CKAP2: variants seen among roughly 807,000 people sequenced by gnomAD.
CKAP2 encodes the protein cytoskeleton-associated protein 2.
In CKAP2, 46 loss-of-function variants were observed where a neutral mutation model predicts 58.4. That is an observed-to-expected ratio of 0.79 (90% CI 0.62 to 1.01). The LOEUF (loss-of-function observed/expected upper bound fraction) is 1.01. Among genes scored for constraint, CKAP2 ranks in the 50% least tolerant of loss-of-function variants. The probability of loss-of-function intolerance (pLI) is 0.00; values close to 1 mark genes in which losing one functional copy is unlikely to be tolerated. For missense variants in CKAP2, 809 were observed against 796.4 expected (o/e 1.02, Z -0.19); for synonymous variants, 293 against 280.9 (o/e 1.04, Z -0.43).
chr13:52,456,260 A>G, intron 1 of CKAP2: 2 of 920,306 alleles, frequency 2.2e-6, no homozygotes, highest in Middle Eastern at 4.1e-4. Flanking sequence ...CTGTATGTAG[A>G]AAATGATGTT....
chr13:52,465,388 G>A lies in CKAP2; in HGVS notation c.1399G>A (p.Ala467Thr), dbSNP rs1247295977. 2 of 1,613,204 alleles carry A rather than the reference G, an allele frequency of 1.2e-6. No individual in the cohort carries two copies. The highest frequency in any genetic ancestry group is 4.5e-5 in the East Asian group (2 of 44,772). The change falls in exon 6 of 9, where the codon GCA becomes ACA. Residue 467 changes from alanine (A) to threonine (T), a missense_variant. Physicochemically the swap from Ala to Thr is moderately conservative, Grantham distance 58. Coordinates refer to ENST00000258607, the MANE Select transcript of CKAP2 (RefSeq NM_018204.5). ...KKLVKYWICLALIEPITSPIE... is the reference protein window; with the variant it reads ...KKLVKYWICLTLIEPITSPIE... ...GCTTGTTAAGTATTGGATATGTCTT[G>A]CACTTATTGAACCAATCACAAGTCC...
rs769887540 is a variant in CKAP2, at chr13:52,461,617, G to A, written c.791G>A (p.Arg264Gln). The A allele has an allele frequency of 8.1e-6, 13 of 1,613,912 alleles. No individual in the cohort carries two copies. Among genetic ancestry groups the A allele is most frequent in the African/African-American group, 5.3e-5 (4 of 74,862 alleles). The part of the protein sequence containing the change: ...PPIRSHHSNT[R>Q]DTVKQGISRT... ...ATTAGAAGTCATCACAGTAATACCC[G>A]GGACACTGTGAAACAAGGCATCAGT... Residue 264 changes from arginine (R) to glutamine (Q), a missense_variant, in exon 4 of 9, where the codon CGG (arginine) becomes CAG (glutamine). By Grantham distance (43) the Arg-to-Gln change is conservative (BLOSUM62 1). Coordinates refer to ENST00000258607, the MANE Select transcript of CKAP2 (RefSeq NM_018204.5).
intron 2 of CKAP2, 97 bp from the exon 3 acceptor site, chr13:52,460,802 T>G (rs1940311883): frequency 9.5e-7 from 1 of 1,056,104 alleles, no homozygotes; most frequent in African/African-American, 1.7e-5. Context: ...AATTAGTAAG[T>G]CAGTTAATTG....
chr13:52,456,507 T>TGA lies in CKAP2; in HGVS notation c.71-16_71-15insGA. 1 of 1,582,066 alleles carries TGA rather than the reference T, an allele frequency of 6.3e-7. No individual in the cohort carries two copies. Among genetic ancestry groups the TGA allele is most frequent in the Non-Finnish European group, 8.6e-7 (1 of 1,156,148 alleles). On this transcript the variant is annotated splice_polypyrimidine_tract_variant and intron_variant, in intron 1 of 8. Coordinates refer to ENST00000258607, the MANE Select transcript of CKAP2 (RefSeq NM_018204.5). ...TTAACTAATATTGACTTGTAGCTCT[T>TGA]ACCTTTGTTATCTAGAGCAAAGAAG...
chr13:52,471,090 G>A (rs1390247135), intron 7 of CKAP2, among the ~76,000 whole-genome samples: 1 of 152,046 alleles, frequency 6.6e-6, no homozygotes, highest in Non-Finnish European at 1.5e-5. Flanking sequence ...CCCGGGAAGT[G>A]GAGGTTGCAG....
chr13:52,456,409 AC>A (rs1227509102), intron 1 of CKAP2, 113 bp from the exon 2 acceptor site: 2 of 849,362 alleles, frequency 2.4e-6, no homozygotes, highest in Non-Finnish European at 3.7e-6. Flanking sequence ...TATAGATGTG[AC>A]CTCAGGTGGA....
chr13:52,455,953 C>T, intron 1 of CKAP2: 2 of 1,135,724 alleles, frequency 1.8e-6, no homozygotes, highest in Non-Finnish European at 2.1e-6. Flanking sequence ...GGCGGGGCTG[C>T]ACAGGTTCAG....
chr13:52,463,094 G>A (rs774674929), intron 5 of CKAP2, among the ~76,000 whole-genome samples: 17 of 151,936 alleles, frequency 1.1e-4, no homozygotes, highest in South Asian at 2.1e-4. Context: ...TGCACCACAC[G>A]CCTGGCTAAT....
At chr13:52,463,524 AAGC>A (rs1230303038) in intron 5 of CKAP2, among the ~76,000 whole-genome samples, 1 of 152,236 alleles carries the variant, frequency 6.6e-6, no homozygotes, top group East Asian at 1.9e-4. Context: ...CAGAGTAATT[AAGC>A]AGCACAGTAG....
chr13:52,471,336 T>C (rs1958759091), intron 7 of CKAP2, among the ~76,000 whole-genome samples: 1 of 152,158 alleles, frequency 6.6e-6, no homozygotes, highest in Non-Finnish European at 1.5e-5. Context: ...TAGTACTAGT[T>C]GGTGTTTTCT....
In CKAP2 at chr13:52,464,553, C is replaced by CAA. The variant is rs66481844; in HGVS notation, c.1306-722_1306-721dup. Among the ~76,000 whole-genome samples, 222 of 79,800 alleles carry CAA rather than the reference C, an allele frequency of 2.8e-3. 1 individual carries two copies. Among genetic ancestry groups the CAA allele is most frequent in the African/African-American group, 7.5e-3 (136 of 18,142 alleles). 52.4% of individuals were successfully genotyped at this position (79,800 alleles called of 152,430 possible). ...GGGCAACAAGAGCAAAACTCCGTCT[C>CAA]AAAAAAAAAAAAAAAAAAAAACAAT... On this transcript the variant is annotated intron_variant, in intron 5 of 8. Transcript: ENST00000258607.
intron 2 of CKAP2, among the ~76,000 whole-genome samples, chr13:52,459,259 C>T (rs1324159503): frequency 1.3e-5 from 2 of 152,074 alleles, no homozygotes; most frequent in African/African-American, 4.8e-5. Flanking sequence ...ATATGAAAGG[C>T]AATGTAAGCA....
chr13:52,475,240 T>A lies in CKAP2; in HGVS notation c.*99T>A, dbSNP rs1958812497. On this transcript the variant is annotated 3_prime_UTR_variant, in exon 9 of 9. Coordinates refer to ENST00000258607, the MANE Select transcript of CKAP2 (RefSeq NM_018204.5). ...GCTCTTAGGTCTGGAGTTGGCCATG[T>A]ACCTATGTATCCTAAGCATTCACGG... 3 of 1,420,286 alleles carry A rather than the reference T, an allele frequency of 2.1e-6. No individual in the cohort carries two copies. In the East Asian group the frequency reaches 6.9e-5, roughly 32 times the overall value. The allele number at this position is 1,420,286 out of a possible 1,614,324, so 88.0% of individuals were successfully genotyped here.
chr13:52,469,415 C>G (rs1306573465), intron 7 of CKAP2, among the ~76,000 whole-genome samples: 1 of 152,068 alleles, frequency 6.6e-6, no homozygotes, highest in Non-Finnish European at 1.5e-5. Flanking sequence ...TAAGAATTCT[C>G]TTTGCTGGGG....
rs1339793357 is a variant in CKAP2 at position 52,476,472 on chromosome 13, G to A, written c.*1331G>A. On this transcript the variant is annotated 3_prime_UTR_variant, in exon 9 of 9. Coordinates refer to ENST00000258607, the MANE Select transcript of CKAP2 (RefSeq NM_018204.5). ...TTGACTTGAGGTTTTTGACACTTAA[G>A]TACATGCTTAATGATATATTTTCAA... 6.6e-6 allele frequency: 1 copy of A among 152,104 alleles called. No homozygotes were observed. Among genetic ancestry groups the A allele is most frequent in the African/African-American group, 2.4e-5 (1 of 41,420 alleles). 9.4% of individuals were successfully genotyped at this position (152,104 alleles called of 1,614,324 possible). A position where few individuals can be genotyped will look rare whatever the true frequency, so the allele number is the denominator to read the frequency against.
chr13:52,462,140 TTAA>T (rs1213383611), intron 4 of CKAP2, among the ~76,000 whole-genome samples: 3 of 152,212 alleles, frequency 2.0e-5, no homozygotes, highest in Non-Finnish European at 4.4e-5. Flanking sequence ...AGGTAAATGC[TTAA>T]TAATAATTGG....
chr13:52,465,504 A>G, intron 6 of CKAP2, 39 bp downstream of exon 6: 1 of 1,541,242 alleles, frequency 6.5e-7, no homozygotes, highest in Non-Finnish European at 8.9e-7. Flanking sequence ...ATTACAGTGT[A>G]GTAGACAATT....
chr13:52,464,269 C>T (rs1958628691), intron 5 of CKAP2, among the ~76,000 whole-genome samples: 1 of 152,022 alleles, frequency 6.6e-6, no homozygotes, highest in African/African-American at 2.4e-5. Flanking sequence ...TCCCATTCAT[C>T]TGGTCAGGTG....
intron 1 of CKAP2, chr13:52,455,875 C>T (rs1958469604): frequency 1.0e-6 from 1 of 962,788 alleles, no homozygotes; most frequent in Non-Finnish European, 1.3e-6. Flanking sequence ...AGAAGGAATC[C>T]GTTAGGCGAG....
Sources: gnomAD v4.1 joint callset for allele counts (sites outside exome capture counted in the v4.1 genomes callset) on GRCh38, gnomAD v4.1.1 for gene constraint, MANE v1.5 for transcripts, NCBI Gene and HGNC (gene_info 2026-07-23, HGNC 2026-07-21) for gene names.